SLC4A10: variants seen among roughly 807,000 people sequenced by gnomAD.
SLC4A10 encodes the protein sodium-driven chloride bicarbonate exchanger.
Under a neutral mutation model 137.7 loss-of-function variants are expected in SLC4A10, and 42 were observed. The observed-to-expected ratio is 0.30, with a 90% CI of 0.24 to 0.39. The LOEUF (loss-of-function observed/expected upper bound fraction) is 0.39, where lower values mean the gene tolerates loss of function less well. Ranked by LOEUF, SLC4A10 falls within the 10% of genes least tolerant of loss-of-function variation. The probability of loss-of-function intolerance (pLI) is 1.00; values close to 1 mark genes in which losing one functional copy is unlikely to be tolerated. For missense variants in SLC4A10, 925 were observed against 1,355.0 expected (o/e 0.68, Z 4.98); for synonymous variants, 474 against 464.1 (o/e 1.02, Z -0.27).
At chr2:161,797,233 T>C (rs1216393668) in intron 2 of SLC4A10, among the ~76,000 whole-genome samples, 1 of 152,144 alleles carries the variant, frequency 6.6e-6, no homozygotes, top group East Asian at 1.9e-4. Flanking sequence ...CATTATCCCT[T>C]CAATTGCTCT....
At chr2:161,827,548 A>G (rs1472775718) in intron 3 of SLC4A10, among the ~76,000 whole-genome samples, 2 of 150,366 alleles carry the variant, frequency 1.3e-5, no homozygotes, top group East Asian at 2.0e-4. Flanking sequence ...TAATATAATC[A>G]TCAGTAATAT....
chr2:161,770,229 T>C (rs1272300873), intron 1 of SLC4A10, among the ~76,000 whole-genome samples: 1 of 151,928 alleles, frequency 6.6e-6, no homozygotes, highest in Non-Finnish European at 1.5e-5. Flanking sequence ...CAGAATTTTG[T>C]ATTTTGTCTA....
intron 3 of SLC4A10, among the ~76,000 whole-genome samples, chr2:161,834,205 A>G (rs1233108026): frequency 1.3e-5 from 2 of 152,306 alleles, no homozygotes; most frequent in African/African-American, 4.8e-5. Flanking sequence ...ATTTGGTCCT[A>G]CATTGTAAGA....
At chr2:161,908,692 G>A (rs1685074288) in intron 15 of SLC4A10, among the ~76,000 whole-genome samples, 1 of 151,032 alleles carries the variant, frequency 6.6e-6, no homozygotes, top group Non-Finnish European at 1.5e-5. Flanking sequence ...GTAAAGAAAT[G>A]GAGAAAGCTG....
chr2:161,719,038 T>C (rs775667986), intron 1 of SLC4A10, among the ~76,000 whole-genome samples: 69 of 152,284 alleles, frequency 4.5e-4, no homozygotes, highest in Middle Eastern at 6.8e-3. Flanking sequence ...TATCTCCTAA[T>C]GCTATCCTTC....
Position 161,976,855 on chromosome 2 carries a change from A to G in SLC4A10, c.3323A>G (p.Glu1108Gly), listed in dbSNP as rs776681349. The G allele has an allele frequency of 2.5e-6, 4 of 1,591,590 alleles. No individual in the cohort carries two copies. Among genetic ancestry groups the G allele is most frequent in the Non-Finnish European group, 3.4e-6 (4 of 1,168,718 alleles). ...ACTGCCGATAACTCAAAAGATAAGG[A>G]GTCAAGCTTTCCTTCCAAAAGGTTT... is the stretch of plus-strand genomic sequence containing the variant. Reference protein sequence around the residue: ...LITADNSKDKESSFPSKSSPS With the variant: ...LITADNSKDKGSSFPSKSSPS Residue 1108 changes from glutamate (E) to glycine (G), a missense_variant, in exon 25 of 27, where the codon GAG (glutamate) becomes GGG (glycine). Coordinates refer to ENST00000446997, the MANE Select transcript of SLC4A10 (RefSeq NM_001178015.2).
At chr2:161,981,929 G>A (rs189968841) in intron 26 of SLC4A10, among the ~76,000 whole-genome samples, 5 of 152,266 alleles carry the variant, frequency 3.3e-5, no homozygotes, top group Middle Eastern at 3.4e-3. Context: ...TGATGGTGCC[G>A]GGTGGTGGTG....
intron 12 of SLC4A10, chr2:161,902,053 T>A: frequency 2.2e-6 from 1 of 456,526 alleles, no homozygotes; most frequent in Non-Finnish European, 4.4e-6. Context: ...TATCTTCGCT[T>A]CTCCAGAGTT....
chr2:161,908,767 G>A (rs1432587200), intron 15 of SLC4A10, among the ~76,000 whole-genome samples: 4 of 150,574 alleles, frequency 2.7e-5, no homozygotes, highest in South Asian at 2.1e-4. Context: ...CAATGAAATC[G>A]TAAGATTGAT....
At chr2:161,762,695 T>G (rs894343712) in intron 1 of SLC4A10, among the ~76,000 whole-genome samples, 2 of 152,082 alleles carry the variant, frequency 1.3e-5, no homozygotes, top group Admixed American at 1.3e-4. Flanking sequence ...AGTGAAACAT[T>G]ATTAAATCTG....
At chr2:161,938,115 A>G (rs546745125) in intron 15 of SLC4A10, among the ~76,000 whole-genome samples, 121 of 152,282 alleles carry the variant, frequency 7.9e-4, no homozygotes, top group African/African-American at 2.6e-3. Context: ...TACTAAAAAT[A>G]CAAAAATTAG....
At chr2:161,778,620 TA>T (rs1455639698) in intron 2 of SLC4A10, among the ~76,000 whole-genome samples, 3 of 151,892 alleles carry the variant, frequency 2.0e-5, no homozygotes, top group Non-Finnish European at 4.4e-5. Context: ...ATTTAACACA[TA>T]AATACAGAAG....
chr2:161,912,690 A>C (rs1284120815), intron 15 of SLC4A10, among the ~76,000 whole-genome samples: 2 of 152,134 alleles, frequency 1.3e-5, no homozygotes, highest in African/African-American at 4.8e-5. Context: ...GCCATGTCTC[A>C]GTCAACACTG....
chr2:161,756,404 T>C (rs147080463), intron 1 of SLC4A10, among the ~76,000 whole-genome samples: 1 of 152,356 alleles, frequency 6.6e-6, no homozygotes, highest in East Asian at 1.9e-4. Flanking sequence ...CAATGTTTGT[T>C]TTCTTATTAG....
chr2:161,839,257 A>T (rs935493739), intron 3 of SLC4A10, among the ~76,000 whole-genome samples: 3 of 152,258 alleles, frequency 2.0e-5, no homozygotes, highest in African/African-American at 7.2e-5. Context: ...ACATTTTGCA[A>T]AGGCAAAGCT....
At chr2:161,782,829 T>TA (rs2053196584) in intron 2 of SLC4A10, among the ~76,000 whole-genome samples, 1 of 147,414 alleles carries the variant, frequency 6.8e-6, no homozygotes, top group African/African-American at 2.5e-5. Flanking sequence ...TGAAAAAGAA[T>TA]AAAAAAAGCT....
intron 1 of SLC4A10, among the ~76,000 whole-genome samples, chr2:161,755,158 C>T (rs757600864): frequency 6.6e-6 from 1 of 152,156 alleles, no homozygotes; most frequent in Non-Finnish European, 1.5e-5. Context: ...AGGAATTTCG[C>T]TTAATCGGTA....
intron 1 of SLC4A10, among the ~76,000 whole-genome samples, chr2:161,754,679 C>G (rs139611759): frequency 1.2e-4 from 18 of 152,240 alleles, no homozygotes; most frequent in African/African-American, 4.3e-4. Flanking sequence ...TCCCCCTTTT[C>G]TCCACATGAT....
intron 1 of SLC4A10, among the ~76,000 whole-genome samples, chr2:161,741,062 C>T (rs1221483982): frequency 6.6e-6 from 1 of 151,974 alleles, no homozygotes; most frequent in Non-Finnish European, 1.5e-5. Flanking sequence ...TGCTTGAGTC[C>T]AGGAGTTCAA....
Sources: allele counts gnomAD v4.1 joint callset (sites outside exome capture counted in the v4.1 genomes callset), GRCh38; gene constraint gnomAD v4.1.1; transcripts MANE v1.5; gene names NCBI Gene and HGNC (gene_info 2026-07-23, HGNC 2026-07-21).